The following MRAP2 variants were observed in gnomAD, a reference collection of about 807,000 sequenced individuals.
MRAP2 encodes the protein melanocortin-2 receptor accessory protein 2.
A neutral mutation model predicts 17.4 loss-of-function variants in MRAP2; 20 were observed. The ratio of observed to expected loss-of-function variants is 1.15; its 90% CI spans 0.81 to 1.67. The LOEUF (loss-of-function observed/expected upper bound fraction) is 1.67, where lower values mean the gene tolerates loss of function less well. MRAP2 is among the 40% of genes most tolerant of loss of function. The pLI is 0.00. For synonymous variants in MRAP2, 96 were observed against 88.4 expected, an observed-to-expected ratio of 1.09 and a Z score of -0.48; for missense variants, 238 against 240.0, an observed-to-expected ratio of 0.99 and a Z score of 0.05.
At chr6:84,077,357 G>A (rs144076031) in intron 3 of MRAP2, among the ~76,000 whole-genome samples, 84 of 152,308 alleles carry the variant, frequency 5.5e-4, no homozygotes, top group African/African-American at 1.8e-3. Context: ...CAGCACAAGC[G>A]AAGGCACAGA....
chr6:84,138,856 C>T, the MRAP2 span, among the ~76,000 whole-genome samples: 37 of 152,148 alleles, frequency 2.4e-4, no homozygotes, highest in African/African-American at 8.7e-4. Flanking sequence ...GTTTTATGTA[C>T]ATCTTAAACA....
chr6:84,085,395 A>G (rs907432704), intron 3 of MRAP2, among the ~76,000 whole-genome samples: 2 of 152,196 alleles, frequency 1.3e-5, no homozygotes, highest in African/African-American at 4.8e-5. Context: ...AGAAAATCCC[A>G]TAAATCATGT....
the MRAP2 span, among the ~76,000 whole-genome samples, chr6:84,127,775 A>C: frequency 6.6e-6 from 1 of 152,132 alleles, no homozygotes; most frequent in East Asian, 1.9e-4. Context: ...TTTCTGAATG[A>C]AACAGTCAAG....
the MRAP2 span, among the ~76,000 whole-genome samples, chr6:84,134,512 G>A: frequency 9.2e-5 from 14 of 152,296 alleles, no homozygotes; most frequent in African/African-American, 2.2e-4. Flanking sequence ...TGTGCATTGC[G>A]AAGACCTTGG....
intron 3 of MRAP2, among the ~76,000 whole-genome samples, chr6:84,081,776 C>T (rs1231594960): frequency 6.6e-6 from 1 of 152,164 alleles, no homozygotes; most frequent in Non-Finnish European, 1.5e-5. Flanking sequence ...CAAGATCAAG[C>T]CACTGCACTC....
the MRAP2 span, among the ~76,000 whole-genome samples, chr6:84,099,239 G>T: frequency 2.7e-5 from 4 of 146,860 alleles, no homozygotes; most frequent in Non-Finnish European, 4.5e-5. Flanking sequence ...TTGGTGAAAA[G>T]ATCTTTTCTC....
At chr6:84,138,856 C>A in the MRAP2 span, among the ~76,000 whole-genome samples, 6 of 152,148 alleles carry the variant, frequency 3.9e-5, no homozygotes, top group Non-Finnish European at 7.4e-5. Flanking sequence ...GTTTTATGTA[C>A]ATCTTAAACA....
At chr6:84,105,705 G>T in the MRAP2 span, among the ~76,000 whole-genome samples, 1 of 152,080 alleles carries the variant, frequency 6.6e-6, no homozygotes, top group Non-Finnish European at 1.5e-5. Context: ...TTGGCAGCCT[G>T]GATTAGTCAC....
the MRAP2 span, among the ~76,000 whole-genome samples, chr6:84,139,398 G>T: frequency 6.6e-6 from 1 of 152,128 alleles, no homozygotes; most frequent in African/African-American, 2.4e-5. Flanking sequence ...TTTTCATGAG[G>T]TTTCTCCTGT....
intron 1 of MRAP2, among the ~76,000 whole-genome samples, chr6:84,039,746 A>C (rs531914609): frequency 6.6e-6 from 1 of 152,214 alleles, no homozygotes; most frequent in Non-Finnish European, 1.5e-5. Flanking sequence ...GTTCTTGGTA[A>C]TAGCAAAAAT....
chr6:84,141,230 T>A, the MRAP2 span, among the ~76,000 whole-genome samples: 4 of 149,426 alleles, frequency 2.7e-5, no homozygotes, highest in South Asian at 8.3e-4. Context: ...CTTTAAAGAT[T>A]TGAGTTTTTA....
the MRAP2 span, among the ~76,000 whole-genome samples, chr6:84,118,568 A>G: frequency 6.6e-6 from 1 of 152,196 alleles, no homozygotes; most frequent in South Asian, 2.1e-4. Flanking sequence ...ACGCTTCCTC[A>G]GACTGTTTGG....
At chr6:84,120,908 G>C in the MRAP2 span, among the ~76,000 whole-genome samples, 4 of 152,090 alleles carry the variant, frequency 2.6e-5, no homozygotes, top group South Asian at 8.3e-4. Flanking sequence ...TGTGGTTACT[G>C]AGCACTTGAA....
At chr6:84,050,004 G>A (rs138579323) in intron 1 of MRAP2, among the ~76,000 whole-genome samples, 18 of 152,174 alleles carry the variant, frequency 1.2e-4, no homozygotes, top group South Asian at 4.1e-4. Context: ...GTGTACGTGC[G>A]TGTAATGTCT....
chr6:84,085,334 G>A (rs1439495208), intron 3 of MRAP2, among the ~76,000 whole-genome samples: 5 of 152,238 alleles, frequency 3.3e-5, no homozygotes, highest in Admixed American at 6.5e-5. Flanking sequence ...GATTACAGGC[G>A]TGAGACACCG....
intron 1 of MRAP2, among the ~76,000 whole-genome samples, chr6:84,034,313 G>GTAC (rs2099485370): frequency 6.6e-6 from 1 of 151,830 alleles, no homozygotes; most frequent in Non-Finnish European, 1.5e-5. Flanking sequence ...CTGGGGAAAT[G>GTAC]TGCTGGCTCC....
chr6:84,084,847 C>CTCATT (rs1477572379), intron 3 of MRAP2, among the ~76,000 whole-genome samples: 7 of 145,784 alleles, frequency 4.8e-5, no homozygotes. Context: ...ATTTGAGAAT[C>CTCATT]TCATTTCATT....
At chr6:84,105,207 T>C in the MRAP2 span, among the ~76,000 whole-genome samples, 1 of 152,338 alleles carries the variant, frequency 6.6e-6, no homozygotes, top group East Asian at 1.9e-4. Context: ...TTTTTGGGTA[T>C]ATTTTCAGCA....
rs77779050 is a variant in MRAP2 at position 84,078,055 on chromosome 6, T to C, written c.228-11036T>C. On this transcript the variant is annotated intron_variant, in intron 3 of 3. Transcript: ENST00000257776. ...TGGCCAACATGGTTAGAAGAAAGCA[T>C]AGGAGAATATCTTCATGATGTTAGG... Among the ~76,000 whole-genome samples the C allele has an allele frequency of 7.6e-3, 1,162 of 152,320 alleles. 4 individuals carry two copies. Among genetic ancestry groups the C allele is most frequent in the Non-Finnish European group, 0.011 (773 of 68,030 alleles).
Sources: allele counts gnomAD v4.1 joint callset (sites outside exome capture counted in the v4.1 genomes callset), GRCh38; gene constraint gnomAD v4.1.1; transcripts MANE v1.5; gene names NCBI Gene and HGNC (gene_info 2026-07-23, HGNC 2026-07-21).